Variants in FER1L6 observed in about 807,000 individuals in gnomAD.
The protein encoded by FER1L6 is fer-1-like protein 6.
In FER1L6, 177 loss-of-function variants were observed where a neutral mutation model predicts 219.2. The observed-to-expected ratio is 0.81, with a 90% confidence interval of 0.71 to 0.91. The LOEUF is 0.91. Among genes scored for constraint, FER1L6 ranks in the 40% least tolerant of loss-of-function variants. The pLI, the probability that FER1L6 is intolerant of heterozygous loss-of-function variation, is 0.00. For synonymous variants in FER1L6, 768 were observed against 824.3 expected (o/e 0.93, Z 1.17); for missense variants, 2,153 against 2,259.9 (o/e 0.95, Z 0.96).
chr8:123,931,533 C>T (rs973123816), intron 1 of FER1L6, among the ~76,000 whole-genome samples: 1 of 152,244 alleles, frequency 6.6e-6, no homozygotes, highest in African/African-American at 2.4e-5. Context: ...AAGAAACCCT[C>T]ACAACCCTCT....
intron 1 of FER1L6, among the ~76,000 whole-genome samples, chr8:123,928,595 T>C (rs1346476117): frequency 2.6e-5 from 4 of 152,228 alleles, no homozygotes. Context: ...AGGTGAGCAC[T>C]GCTCCTGGCT....
At chr8:124,016,156 T>C (rs1455474901) in intron 15 of FER1L6, 1 of 152,376 alleles carries the variant, frequency 6.6e-6, no homozygotes, top group Non-Finnish European at 1.5e-5. Flanking sequence ...AGTGATTATG[T>C]CTACCTGCAC....
At chr8:124,038,685 G>T (rs865921520) in intron 19 of FER1L6, among the ~76,000 whole-genome samples, 22 of 152,132 alleles carry the variant, frequency 1.4e-4, no homozygotes, top group Admixed American at 8.5e-4. Flanking sequence ...GGAGATAAAG[G>T]CACACTAATA....
intron 33 of FER1L6, 98 bp downstream of exon 33, chr8:124,082,556 C>A: frequency 8.9e-7 from 1 of 1,124,344 alleles, no homozygotes; most frequent in Non-Finnish European, 1.3e-6. Context: ...TCTAGGAAGG[C>A]CAGACCAGGC....
chr8:123,896,308 C>T (rs1321613816), intron 1 of FER1L6, among the ~76,000 whole-genome samples: 3 of 152,150 alleles, frequency 2.0e-5, no homozygotes, highest in African/African-American at 7.2e-5. Flanking sequence ...TGTTGGAGTT[C>T]CTGTTGGAAT....
intron 8 of FER1L6, among the ~76,000 whole-genome samples, chr8:123,975,582 C>T (rs1372019032): frequency 6.6e-6 from 1 of 152,156 alleles, no homozygotes; most frequent in Non-Finnish European, 1.5e-5. Context: ...CTGAATGTAG[C>T]TGAGTTTTCT....
rs560282131 is a variant in FER1L6 at position 124,056,873 on chromosome 8, C to T, written c.2875-3307C>T. Among the ~76,000 whole-genome samples, 10 of 152,156 alleles carry T rather than the reference C, an allele frequency of 6.6e-5. No individual in the cohort carries two copies. In the East Asian group the frequency reaches 1.2e-3, roughly 18 times the overall value. On this transcript the variant is annotated intron_variant, in intron 22 of 40. Coordinates refer to ENST00000522917, the MANE Select transcript of FER1L6 (RefSeq NM_001039112.2). ...CAGACTGGTTAACATGGTGATACCC[C>T]GTCTCTACTAAAAATACAAAATTAG...
intron 1 of FER1L6, among the ~76,000 whole-genome samples, chr8:123,898,748 A>ATGT (rs1812798524): frequency 7.4e-6 from 1 of 135,366 alleles, no homozygotes; most frequent in Non-Finnish European, 1.6e-5. Context: ...ATACATATAT[A>ATGT]CTATATATAC....
intron 1 of FER1L6, among the ~76,000 whole-genome samples, chr8:123,895,802 C>G (rs895443673): frequency 1.3e-5 from 2 of 152,198 alleles, no homozygotes; most frequent in African/African-American, 4.8e-5. Context: ...GCAGCATTAA[C>G]TATTGTCTCG....
At chr8:124,073,825 G>A (rs969934577) in intron 31 of FER1L6, among the ~76,000 whole-genome samples, 7 of 152,282 alleles carry the variant, frequency 4.6e-5, no homozygotes, top group South Asian at 2.1e-4. Context: ...ACAAAGGAAC[G>A]GATAAATTAA....
In FER1L6 at chr8:124,067,822, G is replaced by A; in HGVS notation, c.3718+16G>A. ...GGCAATACAGGTAAGCAGTTATTCT[G>A]GGGACATTTGTCCATAGAATAGGGC... On this transcript the variant is annotated intron_variant, in intron 28 of 40. Transcript: ENST00000522917. 6.2e-7 allele frequency: 1 copy of A among 1,606,874 alleles called. No homozygotes were observed. The highest frequency in any genetic ancestry group is 8.5e-7 in the Non-Finnish European group (1 of 1,173,580).
At chr8:123,898,324 G>C (rs1163828768) in intron 1 of FER1L6, among the ~76,000 whole-genome samples, 1 of 151,914 alleles carries the variant, frequency 6.6e-6, no homozygotes, top group Admixed American at 6.6e-5. Context: ...GGTTACAGGT[G>C]GTATTTGGTT....
intron 1 of FER1L6, among the ~76,000 whole-genome samples, chr8:123,946,159 A>G (rs1814476073): frequency 6.6e-6 from 1 of 152,216 alleles, no homozygotes. Flanking sequence ...TAGCTCTTCC[A>G]ATGAATAGAT....
chr8:124,119,091 T>C (rs749407031), intron 40 of FER1L6, 147 bp downstream of exon 40: 3 of 647,548 alleles, frequency 4.6e-6, no homozygotes, highest in Non-Finnish European at 8.0e-6. Flanking sequence ...CCAACCTGTG[T>C]AGCTTTTCGA....
intron 21 of FER1L6, 104 bp downstream of exon 21, chr8:124,046,005 G>T (rs1819714853): frequency 1.4e-6 from 2 of 1,394,282 alleles, no homozygotes; most frequent in East Asian, 4.6e-5. Flanking sequence ...GCTGTGAGTG[G>T]TGAGAACACT....
At chr8:123,962,537 T>C (rs1815336493) in intron 2 of FER1L6, among the ~76,000 whole-genome samples, 1 of 152,212 alleles carries the variant, frequency 6.6e-6, no homozygotes, top group African/African-American at 2.4e-5. Flanking sequence ...TGGTCAGTTG[T>C]TGTGTCTAAA....
At chr8:124,019,962 G>A (rs949279270) in intron 16 of FER1L6, among the ~76,000 whole-genome samples, 2 of 152,004 alleles carry the variant, frequency 1.3e-5, no homozygotes, top group African/African-American at 4.8e-5. Context: ...GGAAACACCA[G>A]GCATACCAGC....
intron 1 of FER1L6, among the ~76,000 whole-genome samples, chr8:123,936,025 T>A (rs190781389): frequency 1.0e-3 from 159 of 152,186 alleles, no homozygotes; most frequent in Non-Finnish European, 1.9e-3. Context: ...ATGGTTTGCA[T>A]TTCACTTGCT....
chr8:123,932,531 T>C (rs1330312689), intron 1 of FER1L6, among the ~76,000 whole-genome samples: 1 of 152,224 alleles, frequency 6.6e-6, no homozygotes. Context: ...TTTTAAAAAT[T>C]AAGTTAACAA....
Sources: allele counts gnomAD v4.1 joint callset (sites outside exome capture counted in the v4.1 genomes callset), GRCh38; gene constraint gnomAD v4.1.1; transcripts MANE v1.5; gene names NCBI Gene and HGNC (gene_info 2026-07-23, HGNC 2026-07-21).